Variants in CEACAM3 observed in about 807,000 individuals in gnomAD.
CEACAM3 encodes the protein cell adhesion molecule CEACAM3.
In CEACAM3, 32 loss-of-function variants were observed where a neutral mutation model predicts 30.1. That is an observed-to-expected ratio of 1.06 (90% CI 0.80 to 1.43). The LOEUF is 1.43. Ranked by LOEUF, CEACAM3 falls within the 40% of genes most tolerant of loss-of-function variation. CEACAM3 has a pLI of 0.00. For missense variants in CEACAM3, 290 were observed against 316.3 expected (o/e 0.92, Z 0.63); for synonymous variants, 134 against 127.2 (o/e 1.05, Z -0.36).
At chr19:41,798,531 A>T (rs1568738246) in intron 2 of CEACAM3, among the ~76,000 whole-genome samples, 2 of 152,240 alleles carry the variant, frequency 1.3e-5, no homozygotes, top group Non-Finnish European at 2.9e-5. Context: ...GGGCAAGGAC[A>T]GGGCCTCATC....
At chr19:41,804,012 T>G in intron 2 of CEACAM3, among the ~76,000 whole-genome samples, 1 of 150,210 alleles carries the variant, frequency 6.7e-6, no homozygotes, top group South Asian at 2.1e-4. Context: ...ACCTGGGAGG[T>G]AGAGATTGTA....
At chr19:41,799,332 G>T (rs1555825731) in intron 2 of CEACAM3, among the ~76,000 whole-genome samples, 1 of 151,988 alleles carries the variant, frequency 6.6e-6, no homozygotes, top group Non-Finnish European at 1.5e-5. Context: ...ACTCTCTCTT[G>T]CTCCTGCTTT....
intron 2 of CEACAM3, among the ~76,000 whole-genome samples, chr19:41,806,340 C>T (rs1015579932): frequency 6.6e-6 from 1 of 152,068 alleles, no homozygotes; most frequent in African/African-American, 2.4e-5. Flanking sequence ...TTCTACTATA[C>T]CTTTTACTGA....
intron 1 of CEACAM3, 105 bp downstream of exon 1, chr19:41,796,846 G>GA: frequency 8.3e-7 from 1 of 1,210,522 alleles, no homozygotes; most frequent in Non-Finnish European, 1.1e-6. Flanking sequence ...GGCTTCTGCT[G>GA]AAGCCTCAGG....
rs1555827428 is a variant in CEACAM3, at chr19:41,810,339, C to T, written c.612C>T (p.His204=). Residue 204 remains histidine (H), a synonymous_variant, in exon 5 of 7, where the codon CAC becomes CAT. Coordinates refer to ENST00000357396, the MANE Select transcript of CEACAM3 (RefSeq NM_001815.5). The stretch of plus-strand genomic sequence containing the variant: ...TGTTTCCAGGCCGTGGTCCCTCCCA[C>T]AGCTCTGCCTTCTCGGTAAGCCTGT... ...QALAPGRGPS[H]SSAFSMSPLS... The T allele has an allele frequency of 6.2e-7, 1 of 1,605,032 alleles. No individual in the cohort carries two copies. The highest frequency in any genetic ancestry group is 1.1e-5 in the South Asian group (1 of 88,902).
At chr19:41,797,013 G>A (rs1239818447) in intron 1 of CEACAM3, 5 of 367,290 alleles carry the variant, frequency 1.4e-5, no homozygotes, top group African/African-American at 2.1e-5. Flanking sequence ...ACATCAGGGT[G>A]ATACTTTAAA....
rs567979117 is a variant in CEACAM3, at chr19:41,811,104, G to A, written c.694-68G>A. Reference sequence around the variant, plus strand: ...CAGAGCAGCCCTGGATGGGCCCAGAGCCTGGGAGACGCCACACCCTGTTCT... The same window carrying A: ...CAGAGCAGCCCTGGATGGGCCCAGAACCTGGGAGACGCCACACCCTGTTCT... On this transcript the variant is annotated intron_variant, in intron 6 of 6. Coordinates refer to ENST00000357396, the MANE Select transcript of CEACAM3 (RefSeq NM_001815.5). 3.2e-5 allele frequency: 49 copies of A among 1,553,112 alleles called. No individual in the cohort carries two copies. The African/African-American group carries it at 3.5e-4, about 11-fold the overall frequency.
chr19:41,806,005 T>TTGTTG (rs1427910440), intron 2 of CEACAM3, among the ~76,000 whole-genome samples: 63 of 43,454 alleles, frequency 1.4e-3, no homozygotes, highest in African/African-American at 2.3e-3. Flanking sequence ...GTTGTTGTTG[T>TTGTTG]TTGTTGTTGT....
intron 3 of CEACAM3, 34 bp from the exon 4 acceptor site, chr19:41,809,931 T>A: frequency 6.2e-7 from 1 of 1,612,370 alleles, no homozygotes; most frequent in Non-Finnish European, 8.5e-7. Context: ...GCTTTTAACC[T>A]GGCACCCTCC....
intron 1 of CEACAM3, 78 bp downstream of exon 1, chr19:41,796,819 T>C: frequency 6.8e-7 from 1 of 1,472,838 alleles, no homozygotes; most frequent in East Asian, 2.3e-5. Flanking sequence ...AGGATGGGGC[T>C]CTGATAGGGG....
chr19:41,805,579 G>A (rs940543220), intron 2 of CEACAM3, among the ~76,000 whole-genome samples: 34 of 152,086 alleles, frequency 2.2e-4, no homozygotes, highest in African/African-American at 7.7e-4. Context: ...ATGAGCCACC[G>A]CACCCGGTCT....
At chr19:41,805,661 G>T (rs2073192800) in intron 2 of CEACAM3, among the ~76,000 whole-genome samples, 1 of 152,180 alleles carries the variant, frequency 6.6e-6, no homozygotes, top group African/African-American at 2.4e-5. Context: ...TACAGTAGTT[G>T]TCCTTGTACG....
At chr19:41,801,648 A>T (rs2073148660) in intron 2 of CEACAM3, among the ~76,000 whole-genome samples, 1 of 152,152 alleles carries the variant, frequency 6.6e-6, no homozygotes, top group Non-Finnish European at 1.5e-5. Flanking sequence ...GAATGGGGAA[A>T]GCTGATTGGT....
intron 2 of CEACAM3, among the ~76,000 whole-genome samples, chr19:41,805,285 CTTTTTTTT>C (rs782317671): frequency 1.9e-5 from 2 of 105,054 alleles, no homozygotes; most frequent in Admixed American, 1.1e-4. Context: ...CTTTTTTCTT[CTTTTTTTT>C]TTTTTTTTTT....
intron 1 of CEACAM3, 140 bp downstream of exon 1, chr19:41,796,881 G>C: frequency 1.2e-6 from 1 of 809,072 alleles, no homozygotes; most frequent in Non-Finnish European, 1.9e-6. Flanking sequence ...AGAGGGACAC[G>C]GGTCACAACA....
intron 2 of CEACAM3, 65 bp from the exon 3 acceptor site, chr19:41,808,748 G>A (rs2073223614): frequency 5.4e-6 from 7 of 1,303,450 alleles, no homozygotes; most frequent in African/African-American, 2.9e-5. Flanking sequence ...TTCCCTGCAA[G>A]GCCCCTGTGG....
intron 2 of CEACAM3, chr19:41,807,524 C>A: frequency 1.4e-6 from 2 of 1,382,670 alleles, no homozygotes; most frequent in Non-Finnish European, 1.9e-6. Context: ...CCCAAGCAAA[C>A]CTGGGCAGAC....
intron 2 of CEACAM3, chr19:41,807,173 G>A (rs2073209327): frequency 1.3e-6 from 2 of 1,499,552 alleles, no homozygotes; most frequent in Admixed American, 2.0e-5. Context: ...CAAGGATGCT[G>A]TGGCCTTCAC....
At chr19:41,804,490 T>G (rs8113813) in intron 2 of CEACAM3, among the ~76,000 whole-genome samples, 75,476 of 152,058 alleles carry the variant, frequency 0.5, 21,342 homozygotes, top group Middle Eastern at 0.73. Context: ...CACAGGAAAT[T>G]GAGGTGAGGG....
Sources: gnomAD v4.1 joint callset for allele counts (sites outside exome capture counted in the v4.1 genomes callset) on GRCh38, gnomAD v4.1.1 for gene constraint, MANE v1.5 for transcripts, NCBI Gene and HGNC (gene_info 2026-07-23, HGNC 2026-07-21) for gene names.